Variants in LRRIQ1 observed in about 807,000 individuals in gnomAD.
LRRIQ1 encodes leucine rich repeats and IQ motif containing 1.
A neutral mutation model predicts 211.9 loss-of-function variants in LRRIQ1; 210 were observed. The observed-to-expected ratio is 0.99, with a 90% CI of 0.89 to 1.11. The LOEUF (loss-of-function observed/expected upper bound fraction) is 1.11. Among genes scored for constraint, LRRIQ1 ranks in the 50% most tolerant of loss-of-function variants. LRRIQ1 has a pLI of 0.00. For synonymous variants in LRRIQ1, 699 were observed against 650.1 expected, an observed-to-expected ratio of 1.08 and a Z score of -1.14; for missense variants, 2,136 against 1,939.5, an observed-to-expected ratio of 1.10 and a Z score of -1.90.
rs140104064 is a variant in LRRIQ1 at position 85,185,008 on chromosome 12, A to G, written c.4822+24294A>G. On this transcript the variant is annotated intron_variant, in intron 24 of 26. Coordinates refer to ENST00000393217, the MANE Select transcript of LRRIQ1 (RefSeq NM_001079910.2). The stretch of plus-strand genomic sequence containing the variant: ...TCATAAGGATCATATGATTTATCAA[A>G]CAAAAGAAATTCTCAGTGTTGGTCT... 5.9e-3 allele frequency among the ~76,000 whole-genome samples: 894 copies of G among 152,126 alleles called. 14 individuals are homozygous for G. The highest frequency in any genetic ancestry group is 0.02 in the African/African-American group (844 of 41,564).
At chr12:85,121,999 T>A in intron 16 of LRRIQ1, 123 bp downstream of exon 16, 1 of 711,032 alleles carries the variant, frequency 1.4e-6, no homozygotes, top group Non-Finnish European at 2.0e-6. Context: ...GTTTTGGGGA[T>A]ATTCTACCTT....
chr12:85,116,627 T>G (rs2136389095), intron 15 of LRRIQ1, among the ~76,000 whole-genome samples: 1 of 151,892 alleles, frequency 6.6e-6, no homozygotes, highest in Middle Eastern at 3.4e-3. Flanking sequence ...GTCATGGGGG[T>G]TTGTTGTAGA....
chr12:85,226,442 G>A (rs1029106954), intron 24 of LRRIQ1, among the ~76,000 whole-genome samples: 4 of 151,990 alleles, frequency 2.6e-5, no homozygotes, highest in Non-Finnish European at 2.9e-5. Flanking sequence ...TGCTAGAAAG[G>A]AGACCCAATG....
chr12:85,182,158 C>G (rs1057028218), intron 24 of LRRIQ1, among the ~76,000 whole-genome samples: 1 of 152,010 alleles, frequency 6.6e-6, no homozygotes, highest in African/African-American at 2.4e-5. Context: ...AAATCTTCCC[C>G]TTTTGTACCA....
At chr12:85,046,678 T>C (rs901000784) in intron 5 of LRRIQ1, among the ~76,000 whole-genome samples, 1 of 152,224 alleles carries the variant, frequency 6.6e-6, no homozygotes, top group African/African-American at 2.4e-5. Context: ...TTATACATCA[T>C]GCTGCTATAA....
chr12:85,268,973 G>A (rs1896479874), downstream of LRRIQ1, among the ~76,000 whole-genome samples: 1 of 151,848 alleles, frequency 6.6e-6, no homozygotes, highest in African/African-American at 2.4e-5. Flanking sequence ...AATCATAATG[G>A]GCAGGGAGCA....
At chr12:85,112,611 G>A (rs1887268140) in intron 15 of LRRIQ1, among the ~76,000 whole-genome samples, 1 of 151,464 alleles carries the variant, frequency 6.6e-6, no homozygotes, top group African/African-American at 2.4e-5. Flanking sequence ...TTTATTTCTG[G>A]ATATATTTCT....
At chr12:85,070,435 T>C (rs575000053) in intron 10 of LRRIQ1, among the ~76,000 whole-genome samples, 1 of 152,146 alleles carries the variant, frequency 6.6e-6, no homozygotes, top group African/African-American at 2.4e-5. Flanking sequence ...CTGGAATTCT[T>C]TAATCAATTA....
chr12:85,200,997 T>C (rs1437221543), intron 24 of LRRIQ1, among the ~76,000 whole-genome samples: 1 of 151,618 alleles, frequency 6.6e-6, no homozygotes, highest in Non-Finnish European at 1.5e-5. Flanking sequence ...TTTTTCTTTT[T>C]TTTTTGTATT....
intron 24 of LRRIQ1, among the ~76,000 whole-genome samples, chr12:85,203,275 G>A (rs1013381603): frequency 8.5e-5 from 13 of 152,240 alleles, no homozygotes; most frequent in African/African-American, 3.1e-4. Flanking sequence ...CCAGCCATGT[G>A]GAAATGTAAG....
rs780011388 is a variant in LRRIQ1 at position 85,124,433 on chromosome 12, T to G, written c.3921T>G (p.Ile1307Met). 18 of 1,614,016 alleles carry G rather than the reference T, an allele frequency of 1.1e-5. No individual in the cohort carries two copies. The highest frequency in any genetic ancestry group is 1.5e-5 in the Non-Finnish European group (18 of 1,180,018). Reference sequence around the variant, plus strand: ...GAGAAGACAGCAAGGCAAGCAGTATTCCCACCATAAGAATCCCATTTAAGG... The same window carrying G: ...GAGAAGACAGCAAGGCAAGCAGTATGCCCACCATAAGAATCCCATTTAAGG... Reference protein sequence around the residue: ...QKREDSKASSIPTIRIPFKEV... With the variant: ...QKREDSKASSMPTIRIPFKEV... The change falls in exon 17 of 27, where the codon ATT (isoleucine) becomes ATG (methionine). Residue 1307 changes from isoleucine (I) to methionine (M), a missense_variant. Physicochemically the swap from Ile to Met is conservative, Grantham distance 10. Transcript: ENST00000393217.
chr12:85,059,907 A>G (rs989825408), intron 8 of LRRIQ1, among the ~76,000 whole-genome samples: 1 of 152,020 alleles, frequency 6.6e-6, no homozygotes, highest in African/African-American at 2.4e-5. Flanking sequence ...CATTACTACC[A>G]GTTTCACAGT....
chr12:85,132,874 G>T (rs2136510236), intron 18 of LRRIQ1, among the ~76,000 whole-genome samples: 1 of 152,130 alleles, frequency 6.6e-6, no homozygotes, highest in East Asian at 1.9e-4. Flanking sequence ...GTGGTAGCTT[G>T]CATGCACTAG....
chr12:85,053,365 G>T (rs1013906469), intron 7 of LRRIQ1, among the ~76,000 whole-genome samples: 12 of 152,080 alleles, frequency 7.9e-5, no homozygotes, highest in African/African-American at 2.4e-4. Flanking sequence ...CAAAGAAAAT[G>T]CTACCTTGGA....
At chr12:85,201,215 T>A (rs1178700697) in intron 24 of LRRIQ1, among the ~76,000 whole-genome samples, 1 of 151,832 alleles carries the variant, frequency 6.6e-6, no homozygotes, top group Non-Finnish European at 1.5e-5. Flanking sequence ...ATCGAGGCTA[T>A]TGGCCTGATG....
Position 85,038,285 on chromosome 12 carries a change from AC to A in LRRIQ1, c.112del (p.Gln38ArgfsTer23). 1.3e-6 allele frequency: 2 copies of A among 1,581,850 alleles called. No homozygotes were observed. Among genetic ancestry groups the A allele is most frequent in the Non-Finnish European group, 1.7e-6 (2 of 1,162,340 alleles). On this transcript the variant is annotated frameshift_variant, in exon 2 of 27. Transcript: ENST00000393217. LOFTEE classifies it high-confidence loss of function. ...EDIESDAKSETQSDDSDTDSV... is the reference protein window; with the variant it reads ...EDIESDAKSEXQSDDSDTDSV... ...CATTGAGAGTGATGCAAAATCAGAAACCCAGAGTGATGATAGTGATACAGTG... is the reference window on the plus strand; with the variant it reads ...CATTGAGAGTGATGCAAAATCAGAAACCAGAGTGATGATAGTGATACAGTG...
intron 11 of LRRIQ1, among the ~76,000 whole-genome samples, chr12:85,081,276 C>G (rs537961367): frequency 6.6e-6 from 1 of 152,020 alleles, no homozygotes; most frequent in Non-Finnish European, 1.5e-5. Flanking sequence ...TCGGTAGTAC[C>G]ATTTTAATCC....
At chr12:85,084,289 A>C (rs1431204031) in intron 11 of LRRIQ1, among the ~76,000 whole-genome samples, 5 of 152,168 alleles carry the variant, frequency 3.3e-5, no homozygotes, top group Admixed American at 3.3e-4. Context: ...ACACTAAACA[A>C]AATGTGCTCA....
chr12:85,045,854 G>A (rs1009536246), intron 4 of LRRIQ1, among the ~76,000 whole-genome samples, 166 bp from the exon 5 acceptor site: 15 of 151,926 alleles, frequency 9.9e-5, no homozygotes, highest in Admixed American at 2.0e-4. Flanking sequence ...TTTATTCATT[G>A]TAAAGAGAAT....
Sources: gnomAD v4.1 joint callset for allele counts (sites outside exome capture counted in the v4.1 genomes callset) on GRCh38, gnomAD v4.1.1 for gene constraint, MANE v1.5 for transcripts, NCBI Gene and HGNC (gene_info 2026-07-23, HGNC 2026-07-21) for gene names.